Variants in C4orf50 observed in about 807,000 individuals in gnomAD.
C4orf50 encodes uncharacterized protein C4orf50.
Under a neutral mutation model 77.2 loss-of-function variants are expected in C4orf50, and 80 were observed. The ratio of observed to expected loss-of-function variants is 1.04; its 90% CI spans 0.87 to 1.25. C4orf50 has a LOEUF of 1.25. Ranked by LOEUF, C4orf50 falls within the 50% of genes most tolerant of loss-of-function variation. The pLI is 0.00. For missense variants in C4orf50, 1,257 were observed against 1,152.9 expected, an observed-to-expected ratio of 1.09 and a Z score of -1.31; for synonymous variants, 532 against 465.3, an observed-to-expected ratio of 1.14 and a Z score of -1.84.
At chr4:6,013,828 G>C (rs970029233) in intron 23 of C4orf50, among the ~76,000 whole-genome samples, 2 of 152,100 alleles carry the variant, frequency 1.3e-5, no homozygotes, top group Admixed American at 6.5e-5. Context: ...CCGACAGCTC[G>C]ACTAGCTCAG....
At chr4:5,911,853 C>T (rs1214279760) in intron 7 of C4orf50, among the ~76,000 whole-genome samples, 1 of 152,196 alleles carries the variant, frequency 6.6e-6, no homozygotes, top group Non-Finnish European at 1.5e-5. Flanking sequence ...CGAGACCATC[C>T]TGGCCAACAT....
intron 31 of C4orf50, among the ~76,000 whole-genome samples, chr4:5,971,438 C>T (rs1052712955): frequency 2.6e-5 from 4 of 152,218 alleles, no homozygotes; most frequent in African/African-American, 9.6e-5. Flanking sequence ...GGGGACCACA[C>T]TGCAGCCAGC....
chr4:5,997,259 A>G lies in C4orf50; in HGVS notation c.964-2783T>C, dbSNP rs375583585. On this transcript the variant is annotated intron_variant, in intron 25 of 33. Transcript: ENST00000531445. ...ATCATACCCAGGCTGACTTCAATGC[A>G]ATTCAAAAAATGCTCGCTGAGCATC... Among the ~76,000 whole-genome samples the G allele has an allele frequency of 1.4e-4, 21 of 152,334 alleles. 1 individual carries two copies. In the East Asian group the frequency reaches 4.0e-3, roughly 29 times the overall value.
Position 5,921,493 on chromosome 4 carries a change from A to T in C4orf50, c.*2475-23305T>A, listed in dbSNP as rs78526766. Among the ~76,000 whole-genome samples the T allele has an allele frequency of 5.8e-3, 882 of 152,332 alleles. 10 individuals are homozygous for T. The highest frequency in any genetic ancestry group is 0.02 in the African/African-American group (833 of 41,570). ...GAATGCCGTGAGACAGTGCAGATAA[A>T]GTAACAGAATGCAAAGTTAGAGTTG... On this transcript the variant is annotated intron_variant, in intron 7 of 7. Coordinates refer to the C4orf50 transcript ENST00000324058.
intron 28 of C4orf50, among the ~76,000 whole-genome samples, chr4:5,981,390 C>G (rs901445305): frequency 2.7e-5 from 4 of 145,542 alleles, no homozygotes; most frequent in African/African-American, 5.0e-5. Context: ...TCCAGGTGAA[C>G]AAAGTGAGTA....
intron 31 of C4orf50, 118 bp downstream of exon 9, chr4:5,973,541 G>A (rs1387103223): frequency 3.5e-6 from 3 of 855,056 alleles, no homozygotes; most frequent in African/African-American, 1.7e-5. Flanking sequence ...TTCTTGGGTA[G>A]TGTCCGCGGT....
At chr4:6,002,550 G>A (rs1428019158) in intron 25 of C4orf50, among the ~76,000 whole-genome samples, 1 of 152,214 alleles carries the variant, frequency 6.6e-6, no homozygotes, top group Non-Finnish European at 1.5e-5. Context: ...CTCCAAACCA[G>A]CTGGGAACAC....
intron 7 of C4orf50, among the ~76,000 whole-genome samples, chr4:5,920,446 T>C (rs1244193623): frequency 2.6e-5 from 4 of 151,102 alleles, no homozygotes; most frequent in Admixed American, 1.3e-4. Flanking sequence ...TGTCTCAGCA[T>C]GGAGGATGAA....
At chr4:5,953,246 C>G (rs1010893525), downstream of C4orf50, among the ~76,000 whole-genome samples, 2 of 152,166 alleles carry the variant, frequency 1.3e-5, no homozygotes, top group Non-Finnish European at 2.9e-5. Context: ...CAGCCGAACC[C>G]TAGCCAAGCT....
At chr4:5,975,807 A>G in intron 30 of C4orf50, 92 bp downstream of exon 8, 3 of 1,030,524 alleles carry the variant, frequency 2.9e-6, no homozygotes, top group Non-Finnish European at 4.6e-6. Flanking sequence ...ACTTTTATAC[A>G]ATAGAGGTGG....
At position 5,989,470 on chromosome 4, in the gene C4orf50, C is replaced by T. The variant is rs114811547; in HGVS notation, c.2576G>A (p.Gly859Glu). Residue 859 changes from glycine to glutamate, a missense_variant, in exon 28 of 34, where the codon GGA becomes GAA. Gly to Glu is a moderately conservative substitution (Grantham distance 98). Coordinates refer to ENST00000531445, the Ensembl canonical transcript of C4orf50. ...TTCATTAGAACAAATACCCCAATTTCCCCAAACCTGCTGAGAGTGAGCTCT... is the reference window on the plus strand; with the variant it reads ...TTCATTAGAACAAATACCCCAATTTTCCCAAACCTGCTGAGAGTGAGCTCT... 2.6e-3 allele frequency: 4,051 copies of T among 1,536,106 alleles called. 5 individuals are homozygous for T. Among genetic ancestry groups the T allele is most frequent in the Non-Finnish European group, 3.3e-3 (3,802 of 1,146,906 alleles).
At chr4:5,981,398 GTATC>G (rs1318917609) in intron 28 of C4orf50, among the ~76,000 whole-genome samples, 1 of 137,564 alleles carries the variant, frequency 7.3e-6, no homozygotes, top group Non-Finnish European at 1.5e-5. Context: ...AACAAAGTGA[GTATC>G]TTTTTTTTTT....
chr4:5,965,113 T>C (rs771373446), exon 33 of C4orf50: 1 of 1,613,544 alleles, frequency 6.2e-7, no homozygotes, highest in Admixed American at 1.7e-5. Flanking sequence ...TGGAGGACAC[T>C]GTCCATTTCA....
intron 7 of C4orf50, among the ~76,000 whole-genome samples, chr4:5,949,668 A>C (rs999251609): frequency 1.3e-5 from 2 of 152,212 alleles, no homozygotes; most frequent in African/African-American, 4.8e-5. Flanking sequence ...AAAGGTTAAA[A>C]TGGGAATGTA....
rs1336071949 is a variant in C4orf50, at chr4:5,975,415, G to A, written c.3921+484C>T. ...GTAGGCTCTCAAACACATGGGAAACGTACTGGAGGAAAAGACATGGAAATG... is the reference window on the plus strand; with the variant it reads ...GTAGGCTCTCAAACACATGGGAAACATACTGGAGGAAAAGACATGGAAATG... On this transcript the variant is annotated intron_variant, in intron 30 of 33. Transcript: ENST00000531445. Among the ~76,000 whole-genome samples the A allele has an allele frequency of 3.9e-5, 6 of 152,266 alleles. No homozygotes were observed. In the East Asian group the frequency reaches 9.7e-4, roughly 25 times the overall value.
chr4:5,964,566 G>A (rs774858040), intron 33 of C4orf50, among the ~76,000 whole-genome samples: 2 of 151,956 alleles, frequency 1.3e-5, no homozygotes, highest in African/African-American at 4.8e-5. Context: ...TCAGGAGTTC[G>A]AGACCAGCCT....
rs1403491835 is a variant in C4orf50, at chr4:5,975,148, A to ACAAC, written c.3921+750_3921+751insGTTG. 8.2e-3 allele frequency among the ~76,000 whole-genome samples: 276 copies of ACAAC among 33,848 alleles called. 4 individuals carry two copies. Among genetic ancestry groups the ACAAC allele is most frequent in the African/African-American group, 0.032 (266 of 8,242 alleles). 22.2% of individuals were successfully genotyped at this position (33,848 alleles called of 152,430 possible). A position where few individuals can be genotyped will look rare whatever the true frequency, so the allele number is the denominator to read the frequency against. On this transcript the variant is annotated intron_variant, in intron 30 of 33. Coordinates refer to ENST00000531445, the Ensembl canonical transcript of C4orf50. The stretch of plus-strand genomic sequence containing the variant: ...GAGTGACACTCCATCTCAAAAAAAA[A>ACAAC]AAAAAAAAAAAAAAAAAAAAAAAAA...
At chr4:5,971,904 G>A (rs1719946599) in intron 31 of C4orf50, among the ~76,000 whole-genome samples, 1 of 152,152 alleles carries the variant, frequency 6.6e-6, no homozygotes, top group Non-Finnish European at 1.5e-5. Context: ...TGGAAGGTGG[G>A]CTGCTGCTAT....
intron 25 of C4orf50, among the ~76,000 whole-genome samples, chr4:5,995,475 AC>A (rs1416083033): frequency 1.8e-3 from 1 of 562 alleles, no homozygotes; most frequent in African/African-American, 4.0e-3. Flanking sequence ...GGGACTGGAA[AC>A]ACACACACAC....
Sources: gnomAD v4.1 joint callset for allele counts (sites outside exome capture counted in the v4.1 genomes callset) on GRCh38, gnomAD v4.1.1 for gene constraint, MANE v1.5 for transcripts, NCBI Gene and HGNC (gene_info 2026-07-23, HGNC 2026-07-21) for gene names.